COL21A1: variants seen among roughly 807,000 people sequenced by gnomAD.
The protein encoded by COL21A1 is collagen type XXI alpha 1 chain.
Under a neutral mutation model 137.9 loss-of-function variants are expected in COL21A1, and 149 were observed. That is an observed-to-expected ratio of 1.08 (90% CI 0.95 to 1.24). COL21A1 has a LOEUF of 1.24. COL21A1 is among the 50% of genes most tolerant of loss of function. The pLI, the probability that COL21A1 is intolerant of heterozygous loss-of-function variation, is 0.00. For synonymous variants in COL21A1, 456 were observed against 391.5 expected, an observed-to-expected ratio of 1.16 and a Z score of -1.95; for missense variants, 1,167 against 1,158.4, an observed-to-expected ratio of 1.01 and a Z score of -0.11.
chr6:56,157,867 C>T (rs1775874529), intron 9 of COL21A1, among the ~76,000 whole-genome samples: 1 of 152,192 alleles, frequency 6.6e-6, no homozygotes, highest in Non-Finnish European at 1.5e-5. Flanking sequence ...TCCCATAATT[C>T]TTGAATACAT....
chr6:56,283,578 A>G (rs1212963027), intron 1 of COL21A1, among the ~76,000 whole-genome samples: 1 of 152,164 alleles, frequency 6.6e-6, no homozygotes, highest in African/African-American at 2.4e-5. Context: ...TTTTAAAGGA[A>G]GACATATACC....
intron 1 of COL21A1, among the ~76,000 whole-genome samples, chr6:56,272,752 G>C (rs1345155432): frequency 6.6e-6 from 1 of 152,096 alleles, no homozygotes; most frequent in Admixed American, 6.6e-5. Flanking sequence ...TGGTTTAAAA[G>C]TGGCAGTTTC....
At chr6:56,353,932 C>A (rs909267999) in intron 1 of COL21A1, among the ~76,000 whole-genome samples, 3 of 151,784 alleles carry the variant, frequency 2.0e-5, no homozygotes, top group African/African-American at 7.3e-5. Context: ...ACACTCTACC[C>A]CATAGATATG....
At chr6:56,124,406 T>C in intron 14 of COL21A1, 114 bp from the exon 15 acceptor site, 1 of 961,414 alleles carries the variant, frequency 1.0e-6, no homozygotes, top group South Asian at 1.5e-5. Flanking sequence ...TAAAAACTCA[T>C]GGAACTACAA....
In COL21A1 at chr6:56,056,838, A is replaced by G. The variant is rs1765386955; in HGVS notation, c.*819T>C. The stretch of plus-strand genomic sequence containing the variant: ...TAGCTTTGCTACAATGAAAATTAAC[A>G]TATATGGACATACACATATAAGTGA... On this transcript the variant is annotated 3_prime_UTR_variant, in exon 30 of 30. Transcript: ENST00000244728. 6.6e-6 allele frequency: 1 copy of G among 152,230 alleles called. No individual in the cohort carries two copies. The highest frequency in any genetic ancestry group is 6.5e-5 in the Admixed American group (1 of 15,268). 9.4% of individuals were successfully genotyped at this position (152,230 alleles called of 1,614,324 possible). A position where few individuals can be genotyped will look rare whatever the true frequency, so the allele number is the denominator to read the frequency against.
At chr6:56,348,611 G>A (rs926689105) in intron 1 of COL21A1, among the ~76,000 whole-genome samples, 5 of 152,162 alleles carry the variant, frequency 3.3e-5, no homozygotes, top group Admixed American at 6.5e-5. Context: ...AAGGGGAGAC[G>A]ACAACTTGCT....
chr6:56,368,085 T>C (rs531580069), intron 1 of COL21A1, among the ~76,000 whole-genome samples: 1 of 152,296 alleles, frequency 6.6e-6, no homozygotes, highest in Non-Finnish European at 1.5e-5. Flanking sequence ...TAAACTACTG[T>C]GAAAAAAAAT....
intron 17 of COL21A1, among the ~76,000 whole-genome samples, chr6:56,097,153 A>T (rs546810823): frequency 3.9e-5 from 6 of 152,302 alleles, no homozygotes; most frequent in Admixed American, 3.9e-4. Flanking sequence ...TTCCTGGCAT[A>T]GGAAACTTGG....
chr6:56,346,644 A>C (rs1765603469), intron 1 of COL21A1, among the ~76,000 whole-genome samples: 2 of 152,206 alleles, frequency 1.3e-5, no homozygotes, highest in Admixed American at 1.3e-4. Context: ...GCAGAAGAAA[A>C]ACACATTAAA....
rs60388494 is a variant in COL21A1, at chr6:56,316,477, C to CTTTTTTTTTTTTTTTTTTTTTTTTTT, written c.-39+77493_-39+77494insAAAAAAAAAAAAAAAAAAAAAAAAAA. 2.6e-5 allele frequency among the ~76,000 whole-genome samples: 2 copies of CTTTTTTTTTTTTTTTTTTTTTTTTTT among 75,786 alleles called. 1 individual carries two copies. The highest frequency in any genetic ancestry group is 1.0e-4 in the African/African-American group (2 of 19,864). 49.7% of individuals were successfully genotyped at this position (75,786 alleles called of 152,430 possible). ...CACACCTTTTAAAATTCTAAATAGA[C>CTTTTTTTTTTTTTTTTTTTTTTTTTT]TTTTTTTTTTTTTTTTTTTTTTGAG... is the stretch of plus-strand genomic sequence containing the variant. On this transcript the variant is annotated intron_variant, in intron 1 of 28. Coordinates refer to the COL21A1 transcript ENST00000370819.
intron 1 of COL21A1, among the ~76,000 whole-genome samples, chr6:56,267,209 C>T (rs1015969535): frequency 5.3e-5 from 8 of 152,170 alleles, no homozygotes; most frequent in African/African-American, 1.9e-4. Flanking sequence ...CAACAAAGTA[C>T]TAAGCACTGT....
chr6:56,149,253 T>C (rs1380366161), intron 10 of COL21A1, among the ~76,000 whole-genome samples: 1 of 152,138 alleles, frequency 6.6e-6, no homozygotes, highest in Non-Finnish European at 1.5e-5. Context: ...TAAGATAAAT[T>C]AACATACACG....
At chr6:56,102,833 C>T (rs1438935009) in intron 16 of COL21A1, among the ~76,000 whole-genome samples, 1 of 152,066 alleles carries the variant, frequency 6.6e-6, no homozygotes, top group East Asian at 1.9e-4. Flanking sequence ...TTTATAAACA[C>T]TAGTTGAGAA....
At chr6:56,098,440 AATATAT>A (rs1424499180) in intron 17 of COL21A1, among the ~76,000 whole-genome samples, 73 of 5,210 alleles carry the variant, frequency 0.014, 1 homozygote, top group African/African-American at 0.018. Context: ...AATATATATA[AATATAT>A]ATATATATAT....
At chr6:56,315,227 C>A (rs1764704587) in intron 1 of COL21A1, among the ~76,000 whole-genome samples, 1 of 152,190 alleles carries the variant, frequency 6.6e-6, no homozygotes, top group South Asian at 2.1e-4. Flanking sequence ...AGCGGGGTGA[C>A]TGTGTTCTCC....
intron 1 of COL21A1, among the ~76,000 whole-genome samples, chr6:56,383,624 A>AT (rs1190803186): frequency 6.6e-6 from 1 of 152,198 alleles, no homozygotes. Context: ...AACACAGCTT[A>AT]TTCTGGAGAT....
chr6:56,271,404 G>A (rs572110886), intron 1 of COL21A1, among the ~76,000 whole-genome samples: 9 of 152,286 alleles, frequency 5.9e-5, no homozygotes, highest in Non-Finnish European at 1.5e-5. Context: ...TTTTCAAGAG[G>A]TGACCTAGCT....
intron 17 of COL21A1, among the ~76,000 whole-genome samples, chr6:56,099,202 T>C (rs372916873): frequency 6.6e-6 from 1 of 150,950 alleles, no homozygotes; most frequent in African/African-American, 2.4e-5. Context: ...TCACAAACAT[T>C]TAGAACACAG....
intron 1 of COL21A1, among the ~76,000 whole-genome samples, chr6:56,343,978 G>A (rs1191699465): frequency 3.9e-5 from 6 of 152,260 alleles, no homozygotes; most frequent in African/African-American, 1.4e-4. Flanking sequence ...ATGGGAAGTT[G>A]AGACAGTGAT....
Sources: allele counts gnomAD v4.1 joint callset (sites outside exome capture counted in the v4.1 genomes callset), GRCh38; gene constraint gnomAD v4.1.1; transcripts MANE v1.5; gene names NCBI Gene and HGNC (gene_info 2026-07-23, HGNC 2026-07-21).